NT5M: variants seen among roughly 807,000 people sequenced by gnomAD.
NT5M encodes 5',3'-nucleotidase, mitochondrial, also known as 5'(3')-deoxyribonucleotidase, mitochondrial.
Under a neutral mutation model 22.2 loss-of-function variants are expected in NT5M, and 22 were observed. The observed-to-expected ratio is 0.99, with a 90% CI of 0.71 to 1.41. NT5M has a LOEUF of 1.41. Ranked by LOEUF, NT5M falls within the 40% of genes most tolerant of loss-of-function variation. The probability of loss-of-function intolerance (pLI) is 0.00; values close to 1 mark genes in which losing one functional copy is unlikely to be tolerated. For missense variants in NT5M, 322 were observed against 314.8 expected (o/e 1.02, Z -0.17); for synonymous variants, 167 against 133.0 (o/e 1.26, Z -1.76).
At chr17:17,342,392 C>G (rs2049662710) in intron 3 of NT5M, among the ~76,000 whole-genome samples, 1 of 152,124 alleles carries the variant, frequency 6.6e-6, no homozygotes, top group African/African-American at 2.4e-5. Flanking sequence ...CAGAGCAGCT[C>G]CGTATTTTGT....
intron 3 of NT5M, among the ~76,000 whole-genome samples, chr17:17,328,396 G>A (rs2049305873): frequency 6.6e-6 from 1 of 151,360 alleles, no homozygotes; most frequent in African/African-American, 2.5e-5. Flanking sequence ...GAGAAGTGCG[G>A]GTGAGAAGTG....
intron 3 of NT5M, among the ~76,000 whole-genome samples, chr17:17,341,191 G>T (rs1430057891): frequency 6.6e-6 from 1 of 152,008 alleles, no homozygotes; most frequent in African/African-American, 2.4e-5. Context: ...TATTGACCTT[G>T]TATCCTGTTA....
chr17:17,317,055 G>GTTTTTGT (rs1555627333), intron 2 of NT5M, among the ~76,000 whole-genome samples: 5 of 132,216 alleles, frequency 3.8e-5, no homozygotes, highest in Non-Finnish European at 6.2e-5. Flanking sequence ...TTTTGTTTTT[G>GTTTTTGT]TTTTTTTTTT....
intron 3 of NT5M, among the ~76,000 whole-genome samples, chr17:17,341,509 CTG>C (rs1205647874): frequency 1.3e-5 from 2 of 152,174 alleles, no homozygotes; most frequent in South Asian, 2.1e-4. Flanking sequence ...TACTGAGACT[CTG>C]ATGCATAATT....
intron 4 of NT5M, among the ~76,000 whole-genome samples, chr17:17,346,231 G>A (rs2049755794): frequency 6.6e-6 from 1 of 152,136 alleles, no homozygotes; most frequent in African/African-American, 2.4e-5. Context: ...CCAAAGGCTG[G>A]CTTGGCCTCC....
At chr17:17,324,707 G>A (rs369751045) in intron 3 of NT5M, among the ~76,000 whole-genome samples, 21 of 151,612 alleles carry the variant, frequency 1.4e-4, no homozygotes, top group African/African-American at 4.4e-4. Flanking sequence ...TGTCACCCAG[G>A]CTGGAGTGCA....
At chr17:17,313,317 T>C (rs80257533) in intron 2 of NT5M, among the ~76,000 whole-genome samples, 5,266 of 152,224 alleles carry the variant, frequency 0.035, 288 homozygotes, top group African/African-American at 0.12. Flanking sequence ...TATTCTAGCC[T>C]GGAACATTTT....
chr17:17,318,227 A>G (rs1270048483), intron 2 of NT5M, among the ~76,000 whole-genome samples: 1 of 152,172 alleles, frequency 6.6e-6, no homozygotes, highest in Non-Finnish European at 1.5e-5. Context: ...CTGTAATCCC[A>G]GCACTTTGGG....
At chr17:17,305,404 C>CT (rs2048777613) in intron 1 of NT5M, among the ~76,000 whole-genome samples, 2 of 130,364 alleles carry the variant, frequency 1.5e-5, no homozygotes, top group Non-Finnish European at 3.3e-5. Context: ...GCCCCCCCCC[C>CT]CCCGCCCCCA....
At chr17:17,318,245 G>C (rs2145356854) in intron 2 of NT5M, among the ~76,000 whole-genome samples, 1 of 152,152 alleles carries the variant, frequency 6.6e-6, no homozygotes, top group East Asian at 1.9e-4. Context: ...GGGAGGCTGA[G>C]GGGGACAGAT....
At chr17:17,335,511 T>G (rs1567897187) in intron 3 of NT5M, among the ~76,000 whole-genome samples, 2 of 152,220 alleles carry the variant, frequency 1.3e-5, no homozygotes, top group Admixed American at 6.5e-5. Flanking sequence ...ACATTAGATG[T>G]TTTGATACAG....
intron 3 of NT5M, among the ~76,000 whole-genome samples, chr17:17,326,366 A>G (rs930426216): frequency 6.6e-6 from 1 of 152,212 alleles, no homozygotes; most frequent in African/African-American, 2.4e-5. Flanking sequence ...CCCTGGAGGT[A>G]GCCTGCATTC....
rs778540479 is a variant in NT5M at position 17,346,988 on chromosome 17, C to T, written c.*41C>T. On this transcript the variant is annotated 3_prime_UTR_variant, in exon 5 of 5. Coordinates refer to ENST00000389022, the MANE Select transcript of NT5M (RefSeq NM_020201.4). ...GGGCTCCTCTGTGGGGCTCTGACCT[C>T]AGGGCTCCCAGCTCGGGGCCTGTGG... The T allele has an allele frequency of 2.5e-6, 4 of 1,600,794 alleles. No individual in the cohort carries two copies. The highest frequency in any genetic ancestry group is 1.7e-5 in the Admixed American group (1 of 59,554).
chr17:17,328,944 C>A (rs535988279), intron 3 of NT5M, among the ~76,000 whole-genome samples: 1 of 152,020 alleles, frequency 6.6e-6, no homozygotes, highest in South Asian at 2.1e-4. Context: ...ATCCATTTAG[C>A]CTTCATAGTA....
intron 2 of NT5M, among the ~76,000 whole-genome samples, chr17:17,312,489 A>G (rs1452486442): frequency 6.6e-6 from 1 of 151,754 alleles, no homozygotes; most frequent in East Asian, 1.9e-4. Context: ...TAAAAATACA[A>G]ACAAATTAGC....
At chr17:17,310,826 ACTCCAGCCTAGGTG>A in intron 2 of NT5M, among the ~76,000 whole-genome samples, 1 of 152,106 alleles carries the variant, frequency 6.6e-6, no homozygotes, top group East Asian at 1.9e-4. Flanking sequence ...ACACCACTGC[ACTCCAGCCTAGGTG>A]ACAAGAGCGA....
chr17:17,339,930 A>G (rs951179832), intron 3 of NT5M, among the ~76,000 whole-genome samples: 1 of 152,028 alleles, frequency 6.6e-6, no homozygotes, highest in Non-Finnish European at 1.5e-5. Context: ...ATATTGGCCT[A>G]TAGTTTTCTT....
chr17:17,332,335 C>T (rs781317816), intron 3 of NT5M, among the ~76,000 whole-genome samples: 72 of 152,104 alleles, frequency 4.7e-4, no homozygotes, highest in Non-Finnish European at 1.0e-3. Flanking sequence ...CAGCCATCTG[C>T]CCCTCTGATC....
chr17:17,325,889 G>A (rs1244591315), intron 3 of NT5M, among the ~76,000 whole-genome samples: 1 of 152,132 alleles, frequency 6.6e-6, no homozygotes, highest in Non-Finnish European at 1.5e-5. Context: ...TCTCCATCTT[G>A]TTTTTTGGAT....
Sources: gnomAD v4.1 joint callset for allele counts (sites outside exome capture counted in the v4.1 genomes callset) on GRCh38, gnomAD v4.1.1 for gene constraint, MANE v1.5 for transcripts, NCBI Gene and HGNC (gene_info 2026-07-23, HGNC 2026-07-21) for gene names.